The following FRMD4A variants were observed in gnomAD, a reference collection of about 807,000 sequenced individuals.
FRMD4A encodes FERM domain containing 4A, also known as FERM domain-containing protein 4A.
Under a neutral mutation model 129.1 loss-of-function variants are expected in FRMD4A, and 29 were observed. The observed-to-expected ratio is 0.22, with a 90% CI of 0.17 to 0.31. The LOEUF is 0.31. FRMD4A is among the 10% of genes least tolerant of loss of function. The pLI, the probability that FRMD4A is intolerant of heterozygous loss-of-function variation, is 1.00. For synonymous variants in FRMD4A, 634 were observed against 571.6 expected (o/e 1.11, Z -1.56); for missense variants, 1,272 against 1,375.8 (o/e 0.92, Z 1.19).
chr10:13,797,011 T>G (rs1323465791), intron 4 of FRMD4A, among the ~76,000 whole-genome samples: 2 of 152,174 alleles, frequency 1.3e-5, no homozygotes, highest in East Asian at 3.9e-4. Context: ...TGAGCCACTG[T>G]GCCCGGCCAC....
chr10:13,649,347 C>CCTAA (rs780060641), intron 24 of FRMD4A: 8 of 127,538 alleles, frequency 6.3e-5, no homozygotes, highest in East Asian at 2.0e-4. Flanking sequence ...ATGTGAAGAG[C>CCTAA]CTAACTGTTG....
At chr10:14,003,900 A>G (rs1196915106) in intron 2 of FRMD4A, among the ~76,000 whole-genome samples, 1 of 152,270 alleles carries the variant, frequency 6.6e-6, no homozygotes, top group Non-Finnish European at 1.5e-5. Context: ...AAAAATTTCC[A>G]CATTTTCTCT....
chr10:13,677,770 A>G (rs2084127716), intron 15 of FRMD4A, among the ~76,000 whole-genome samples: 1 of 152,226 alleles, frequency 6.6e-6, no homozygotes, highest in African/African-American at 2.4e-5. Flanking sequence ...TCACATCTGA[A>G]GACTCAGGAA....
Position 13,689,198 on chromosome 10 carries a change from CGGGGGGGGGGGGG to C in FRMD4A, c.1117+4687_1117+4699del, listed in dbSNP as rs61670615. On this transcript the variant is annotated intron_variant, in intron 15 of 24. Transcript: ENST00000357447. ...CAATGAGCAGTACACAAACTCTTTG[CGGGGGGGGGGGGG>C]GGGGGGGGGAGGGCTATAACTTTGT... Among the ~76,000 whole-genome samples, 10 of 68,028 alleles carry C rather than the reference CGGGGGGGGGGGGG, an allele frequency of 1.5e-4. 1 individual carries two copies. The highest frequency in any genetic ancestry group is 2.9e-4 in the Non-Finnish European group (9 of 31,046). 44.6% of individuals were successfully genotyped at this position (68,028 alleles called of 152,430 possible).
intron 3 of FRMD4A, among the ~76,000 whole-genome samples, chr10:13,825,557 A>G (rs1283432516): frequency 1.3e-5 from 2 of 152,034 alleles, no homozygotes; most frequent in Non-Finnish European, 2.9e-5. Context: ...TCATCCTGAA[A>G]CCATCCTTGC....
At chr10:13,767,499 A>G (rs1314148283) in intron 6 of FRMD4A, among the ~76,000 whole-genome samples, 1 of 152,192 alleles carries the variant, frequency 6.6e-6, no homozygotes, top group Non-Finnish European at 1.5e-5. Context: ...TCGGCTTCCC[A>G]AAGTGCTGGG....
intron 19 of FRMD4A, 81 bp downstream of exon 19, chr10:13,663,372 A>C (rs2082783672): frequency 3.6e-6 from 3 of 824,948 alleles, no homozygotes; most frequent in African/African-American, 1.7e-5. Context: ...CCTTTACACA[A>C]GGCAATCCCC....
intron 2 of FRMD4A, among the ~76,000 whole-genome samples, chr10:13,923,303 T>A (rs149756531): frequency 5.3e-5 from 8 of 152,346 alleles, no homozygotes; most frequent in Non-Finnish European, 1.0e-4. Context: ...CTTCTTCAGG[T>A]GTCAACAAAA....
chr10:13,819,943 C>T (rs548112890), intron 3 of FRMD4A, among the ~76,000 whole-genome samples: 1 of 152,144 alleles, frequency 6.6e-6, no homozygotes, highest in African/African-American at 2.4e-5. Context: ...AGGCTGGTCT[C>T]GAACTCCTGA....
At chr10:13,651,850 CAT>C in intron 24 of FRMD4A, 51 bp downstream of exon 24, 1 of 869,488 alleles carries the variant, frequency 1.2e-6, no homozygotes, top group Non-Finnish European at 2.0e-6. Context: ...AAAAGCAACA[CAT>C]GTGGGACCAC....
Position 13,865,409 on chromosome 10 carries a change from T to A in FRMD4A, c.46-6497A>T, listed in dbSNP as rs1468804087. Among the ~76,000 whole-genome samples, 3 of 8,700 alleles carry A rather than the reference T, an allele frequency of 3.4e-4. No individual in the cohort carries two copies. In the South Asian group the frequency reaches 0.01, roughly 30 times the overall value. 5.7% of individuals were successfully genotyped at this position (8,700 alleles called of 152,430 possible). A position where few individuals can be genotyped will look rare whatever the true frequency, so the allele number is the denominator to read the frequency against. Reference sequence around the variant, plus strand: ...TACTTTATTTTATTTATTTTATTTGTTTTATTTTATTTTATTTTATTTTAT... The same window carrying A: ...TACTTTATTTTATTTATTTTATTTGATTTATTTTATTTTATTTTATTTTAT... On this transcript the variant is annotated intron_variant, in intron 2 of 24. Coordinates refer to ENST00000357447, the MANE Select transcript of FRMD4A (RefSeq NM_018027.5).
intron 6 of FRMD4A, among the ~76,000 whole-genome samples, chr10:13,778,897 A>G (rs1405332862): frequency 6.6e-6 from 1 of 152,198 alleles, no homozygotes; most frequent in African/African-American, 2.4e-5. Flanking sequence ...ATCATGGCAC[A>G]TGTATACCTA....
At chr10:13,913,576 G>C (rs1327618841) in intron 2 of FRMD4A, among the ~76,000 whole-genome samples, 1 of 152,142 alleles carries the variant, frequency 6.6e-6, no homozygotes, top group Non-Finnish European at 1.5e-5. Flanking sequence ...ATTCACATAA[G>C]GGTCCAGCCA....
In FRMD4A at chr10:14,013,777, C is replaced by A. The variant is rs1278299986; in HGVS notation, c.46-154865G>T. ...AGAAACCCCGTCTCTACCAAAAATA[C>A]AAAATTAGCCAGGTGTGGTGGTGCA... On this transcript the variant is annotated intron_variant, in intron 2 of 24. Transcript: ENST00000357447. Among the ~76,000 whole-genome samples the A allele has an allele frequency of 2.6e-5, 4 of 152,130 alleles. No individual in the cohort carries two copies. In the South Asian group the frequency reaches 8.3e-4, roughly 32 times the overall value.
intron 2 of FRMD4A, among the ~76,000 whole-genome samples, chr10:14,106,768 C>T (rs1926822): frequency 0.51 from 76,990 of 151,990 alleles, 21,476 homozygotes; most frequent in East Asian, 0.71. Flanking sequence ...ATAATGAAAT[C>T]GCTATGACAT....
intron 2 of FRMD4A, among the ~76,000 whole-genome samples, chr10:14,009,509 C>T (rs1402745023): frequency 6.6e-6 from 1 of 151,990 alleles, no homozygotes; most frequent in Admixed American, 6.6e-5. Flanking sequence ...TTGAAAATGA[C>T]GGAAATGAAG....
rs112041665 is a variant in FRMD4A at position 14,319,367 on chromosome 10, T to TCTCTCTCTCTCTCTCTCTCTCTCACA, written c.45+10690_45+10691insTGTGAGAGAGAGAGAGAGAGAGAGAG. Reference sequence around the variant, plus strand: ...TCTCTCTCCTCTCTCTCTCTCTCTCTCACACACACACACACACACATGATA... The same window carrying TCTCTCTCTCTCTCTCTCTCTCTCACA: ...TCTCTCTCCTCTCTCTCTCTCTCTCTCTCTCTCTCTCTCTCTCTCTCTCACACACACACACACACACACACATGATA... On this transcript the variant is annotated intron_variant, in intron 2 of 24. Transcript: ENST00000357447. 6.4e-3 allele frequency among the ~76,000 whole-genome samples: 926 copies of TCTCTCTCTCTCTCTCTCTCTCTCACA among 145,040 alleles called. 15 individuals carry two copies. Among genetic ancestry groups the TCTCTCTCTCTCTCTCTCTCTCTCACA allele is most frequent in the African/African-American group, 0.023 (864 of 37,058 alleles).
chr10:13,836,755 CTTTTTTTT>C (rs35995042), intron 3 of FRMD4A, among the ~76,000 whole-genome samples: 27 of 110,050 alleles, frequency 2.5e-4, no homozygotes, highest in Non-Finnish European at 4.6e-4. Context: ...CTCAGTGGTT[CTTTTTTTT>C]TTTTTTTTTT....
intron 12 of FRMD4A, among the ~76,000 whole-genome samples, chr10:13,719,271 G>A (rs925416881): frequency 2.6e-5 from 4 of 152,212 alleles, no homozygotes; most frequent in African/African-American, 7.2e-5. Context: ...CCGAGGAGCC[G>A]TAGCCCTTCT....
Sources: allele counts gnomAD v4.1 joint callset (sites outside exome capture counted in the v4.1 genomes callset), GRCh38; gene constraint gnomAD v4.1.1; transcripts MANE v1.5; gene names NCBI Gene and HGNC (gene_info 2026-07-23, HGNC 2026-07-21).